UNC13A: variants seen among roughly 807,000 people sequenced by gnomAD.
The protein encoded by UNC13A is protein unc-13 homolog A.
A neutral mutation model predicts 219.7 loss-of-function variants in UNC13A; 61 were observed. That is an observed-to-expected ratio of 0.28 (90% CI 0.23 to 0.34). The LOEUF is 0.34. Ranked by LOEUF, UNC13A falls within the 10% of genes least tolerant of loss-of-function variation. The pLI is 1.00. For missense variants in UNC13A, 1,476 were observed against 2,270.3 expected, an observed-to-expected ratio of 0.65 and a Z score of 7.11; for synonymous variants, 920 against 884.6, an observed-to-expected ratio of 1.04 and a Z score of -0.71.
chr19:17,638,975 G>A, intron 25 of UNC13A, 108 bp downstream of exon 25: 1 of 1,293,122 alleles, frequency 7.7e-7, no homozygotes, highest in Non-Finnish European at 1.0e-6. Flanking sequence ...TATAGAAGAA[G>A]ATACTGAGGT....
chr19:17,640,630 A>T lies in UNC13A; in HGVS notation c.2668T>A (p.Cys890Ser), dbSNP rs983878933. Residue 890 changes from cysteine to serine, a missense_variant, in exon 22 of 44, where the codon TGC (cysteine) becomes AGC (serine). By Grantham distance (112) the Cys-to-Ser change is moderately radical (BLOSUM62 -1). Around this residue, in one of 14 missense-constraint regions of UNC13A, gnomAD observed 140 missense variants for 270.9 expected, o/e 0.52. Coordinates refer to ENST00000519716, the MANE Select transcript of UNC13A (RefSeq NM_001080421.3). ...CTCATGACGGCAGGCACCCCTGGGC[A>T]CATATACTTGGAGGAGAGGCAGGCA... ...HFACLSSKYM[C>S]PGVPAVMSTL... is the part of the protein sequence containing the mutation. The T allele has an allele frequency of 1.3e-6, 2 of 1,592,674 alleles. No individual in the cohort carries two copies. The highest frequency in any genetic ancestry group is 1.7e-6 in the Non-Finnish European group (2 of 1,170,420).
rs2076521339 is a variant in UNC13A at position 17,606,010 on chromosome 19, G to T, written c.*44C>A. On this transcript the variant is annotated 3_prime_UTR_variant, in exon 44 of 44. Coordinates refer to ENST00000519716, the MANE Select transcript of UNC13A (RefSeq NM_001080421.3). ...CGCAAGCCCCGTCCCTCCCCGCCCA[G>T]CGCCCTCCGCGCAGGCGCAGTGCCG... 3 of 1,393,330 alleles carry T rather than the reference G, an allele frequency of 2.2e-6. No individual in the cohort carries two copies. The highest frequency in any genetic ancestry group is 2.8e-6 in the Non-Finnish European group (3 of 1,077,718). The allele number at this position is 1,393,330 out of a possible 1,614,324, so 86.3% of individuals were successfully genotyped here.
intron 28 of UNC13A, among the ~76,000 whole-genome samples, chr19:17,632,527 A>T (rs2145010394): frequency 6.6e-6 from 1 of 152,348 alleles, no homozygotes; most frequent in South Asian, 2.1e-4. Flanking sequence ...AATTAAAATG[A>T]TCCCACCTTA....
Position 17,649,530 on chromosome 19 carries a change from A to G in UNC13A, c.1497T>C (p.Pro499=), listed in dbSNP as rs1252585486. 5 of 1,613,800 alleles carry G rather than the reference A, an allele frequency of 3.1e-6. No individual in the cohort carries two copies. The highest frequency in any genetic ancestry group is 2.2e-5 in the South Asian group (2 of 91,090). ...DSMPDIRKRK[P]IPLVSDLAMS... ...TTACCAAGTCGCTCACGAGTGGGAT[A>G]GGTTTCCTCTTGCGGATGTCTGGCA... Residue 499 remains proline (P), a synonymous_variant, in exon 13 of 44, where the codon CCT becomes CCC. Coordinates refer to ENST00000519716, the MANE Select transcript of UNC13A (RefSeq NM_001080421.3). This position sits in a 1 kb window ranked among gnomAD's most constrained non-coding sequence, Gnocchi z 4.4.
intron 31 of UNC13A, among the ~76,000 whole-genome samples, chr19:17,628,968 C>T (rs79979721): frequency 6.7e-6 from 1 of 150,272 alleles, no homozygotes; most frequent in Admixed American, 6.6e-5. Context: ...CACAGACTCA[C>T]ACACACACAC....
At chr19:17,636,768 T>C (rs533648977) in intron 25 of UNC13A, among the ~76,000 whole-genome samples, 1 of 152,142 alleles carries the variant, frequency 6.6e-6, no homozygotes, top group Non-Finnish European at 1.5e-5. Flanking sequence ...TCAATGGAAA[T>C]GAATATAATC....
intron 1 of UNC13A, among the ~76,000 whole-genome samples, chr19:17,678,881 G>A (rs1439789747): frequency 1.3e-5 from 2 of 152,146 alleles, no homozygotes; most frequent in African/African-American, 4.8e-5. Flanking sequence ...GGGAGAGGAA[G>A]GGAGAGGAGA....
At position 17,673,440 on chromosome 19, in the gene UNC13A, C is replaced by T. The variant is rs569654481; in HGVS notation, c.153-945G>A. On this transcript the variant is annotated intron_variant, in intron 3 of 43. Transcript: ENST00000519716. Reference sequence around the variant, plus strand: ...GTGGCTCCTGGCTCATGCCTATAATCCCAGCACTTTGGGAGGCCGAGGCGG... The same window carrying T: ...GTGGCTCCTGGCTCATGCCTATAATTCCAGCACTTTGGGAGGCCGAGGCGG... 2.0e-3 allele frequency among the ~76,000 whole-genome samples: 299 copies of T among 151,366 alleles called. 1 individual carries two copies. The highest frequency in any genetic ancestry group is 3.4e-3 in the Non-Finnish European group (228 of 67,932).
In UNC13A at chr19:17,674,153, G is replaced by A. The variant is rs2079850339; in HGVS notation, c.152+504C>T. ...GAGACCTGAAGGAGAAGAGCCAGCT[G>A]GGGACAGGAGAGCAAGTGCAAGGGC... On this transcript the variant is annotated intron_variant, in intron 3 of 43. Coordinates refer to ENST00000519716, the MANE Select transcript of UNC13A (RefSeq NM_001080421.3). This position sits in a 1 kb window ranked among gnomAD's most constrained non-coding sequence, Gnocchi z 5.0. Among the ~76,000 whole-genome samples, 1 of 151,810 alleles carries A rather than the reference G, an allele frequency of 6.6e-6. No individual in the cohort carries two copies.
intron 1 of UNC13A, among the ~76,000 whole-genome samples, chr19:17,682,087 G>C (rs912281787): frequency 1.3e-5 from 2 of 151,812 alleles, no homozygotes; most frequent in African/African-American, 4.8e-5. Flanking sequence ...TGAGTAGCTG[G>C]GACTACAGGC....
chr19:17,655,160 T>TG, intron 11 of UNC13A, 114 bp downstream of exon 11: 2 of 828,506 alleles, frequency 2.4e-6, no homozygotes, highest in Non-Finnish European at 4.0e-6. Context: ...TGGGTACGGG[T>TG]GGGGTGTTGG....
chr19:17,618,148 T>C (rs1412096056), intron 40 of UNC13A, among the ~76,000 whole-genome samples: 1 of 152,060 alleles, frequency 6.6e-6, no homozygotes, highest in Non-Finnish European at 1.5e-5. Flanking sequence ...CTACACCTTC[T>C]CACTCTTTGG....
chr19:17,618,062 G>A (rs1238005188), intron 40 of UNC13A, among the ~76,000 whole-genome samples: 1 of 152,068 alleles, frequency 6.6e-6, no homozygotes, highest in African/African-American at 2.4e-5. Context: ...CCTTGGGCTC[G>A]CCCAGCCCCC....
rs1482370220 is a variant in UNC13A at position 17,640,523 on chromosome 19, G to T, written c.2775C>A (p.Ala925=). The T allele has an allele frequency of 6.5e-7, 1 of 1,550,018 alleles. No homozygotes were observed. Among genetic ancestry groups the T allele is most frequent in the Admixed American group, 2.0e-5 (1 of 50,998 alleles). The change falls in exon 22 of 44, where the codon GCC becomes GCA. Residue 925 remains alanine (A), a synonymous_variant. Transcript: ENST00000519716. The part of the protein sequence containing the change: ...TNVSASDRFA[A]SNFGKERFVK... ...CCCCAGGACTGACCCCAAAGTTGGA[G>T]GCGGCGAAGCGGTCGGAGGCAGACA...
At chr19:17,618,601 T>A in intron 39 of UNC13A, 100 bp from the exon 40 acceptor site, 1 of 1,219,534 alleles carries the variant, frequency 8.2e-7, no homozygotes, top group East Asian at 2.5e-5. Context: ...GGAGCTGGGC[T>A]GAGGGTCTAT....
chr19:17,626,910 C>A, intron 33 of UNC13A, 125 bp from the exon 34 acceptor site: 1 of 1,372,436 alleles, frequency 7.3e-7, no homozygotes, highest in Admixed American at 2.8e-5. Context: ...GAATGGAGAA[C>A]AGGCCAGATG....
chr19:17,688,065 A>G, intron 1 of UNC13A, 113 bp downstream of exon 1: 1 of 1,354,910 alleles, frequency 7.4e-7, no homozygotes, highest in Non-Finnish European at 9.8e-7. Flanking sequence ...TCAAAAGTCC[A>G]GCCACCTGGA....
chr19:17,660,857 G>A (rs570188790), intron 8 of UNC13A, among the ~76,000 whole-genome samples: 12 of 152,102 alleles, frequency 7.9e-5, no homozygotes, highest in African/African-American at 2.7e-4. Flanking sequence ...CGTACTGTTC[G>A]TTTGTGGCAA....
intron 1 of UNC13A, among the ~76,000 whole-genome samples, chr19:17,678,961 A>G (rs1018685396): frequency 6.6e-6 from 1 of 151,968 alleles, no homozygotes; most frequent in Non-Finnish European, 1.5e-5. Context: ...AGAGAGACAC[A>G]AGGAGACAGC....
Sources: allele counts gnomAD v4.1 joint callset (sites outside exome capture counted in the v4.1 genomes callset), GRCh38; gene constraint gnomAD v4.1.1; regional missense constraint gnomAD v4.1.1; non-coding constraint Gnocchi (gnomAD v3.1); transcripts MANE v1.5; gene names NCBI Gene and HGNC (gene_info 2026-07-23, HGNC 2026-07-21).